The following APOBEC3G variants were observed in gnomAD, a reference collection of about 807,000 sequenced individuals.
APOBEC3G encodes DNA dC->dU-editing enzyme APOBEC-3G.
In APOBEC3G, 44 loss-of-function variants were observed where a neutral mutation model predicts 50.0. The observed-to-expected ratio is 0.88, with a 90% confidence interval of 0.69 to 1.13. APOBEC3G has a LOEUF of 1.13. Ranked by LOEUF, APOBEC3G falls within the 50% of genes most tolerant of loss-of-function variation. APOBEC3G has a pLI of 0.00. For synonymous variants in APOBEC3G, 156 were observed against 175.3 expected (o/e 0.89, Z 0.87); for missense variants, 469 against 492.0 (o/e 0.95, Z 0.44).
At position 39,077,315 on chromosome 22, in the gene APOBEC3G, C is replaced by G. The variant is rs1251049749; in HGVS notation, c.-47C>G. 6.4e-7 allele frequency: 1 copy of G among 1,559,758 alleles called. No homozygotes were observed. Among genetic ancestry groups the G allele is most frequent in the Non-Finnish European group, 8.7e-7 (1 of 1,151,080 alleles). ...CAGAAGCTTGGAGCAGAAAGTGAAA[C>G]CCTGGTGCTCCAGACAAAGATCTTA... On this transcript the variant is annotated 5_prime_UTR_variant, in exon 1 of 8. Coordinates refer to ENST00000407997, the MANE Select transcript of APOBEC3G (RefSeq NM_021822.4).
At chr22:39,077,980 C>T (rs1157425834) in intron 1 of APOBEC3G, among the ~76,000 whole-genome samples, 1 of 152,178 alleles carries the variant, frequency 6.6e-6, no homozygotes, top group African/African-American at 2.4e-5. Context: ...AATATAGTGG[C>T]CGGGTGCGGT....
At chr22:39,081,414 G>A (rs1206215979) in intron 3 of APOBEC3G, 57 bp from the exon 4 acceptor site, 21 of 1,572,232 alleles carry the variant, frequency 1.3e-5, no homozygotes, top group East Asian at 2.2e-5. Context: ...GGAGGGTCCC[G>A]AGGTCACAGA....
rs376831638 is a variant in APOBEC3G, at chr22:39,083,816, G to T, written c.667G>T (p.Glu223Ter). Residue 223 changes from glutamate to a stop codon, truncating the protein, a stop_gained, in exon 5 of 8, where the codon GAG becomes TAG. Coordinates refer to ENST00000407997, the MANE Select transcript of APOBEC3G (RefSeq NM_021822.4). LOFTEE classifies it high-confidence loss of function. The part of the protein sequence containing the change: ...RGRHETYLCY[E>*]VERMHNDTWV... ...ACGGCATGAGACTTACCTGTGTTAT[G>T]AGGTGGAGCGCATGCACAATGACAC... is the stretch of plus-strand genomic sequence containing the variant. 1.2e-6 allele frequency: 2 copies of T among 1,614,050 alleles called. No individual in the cohort carries two copies. The highest frequency in any genetic ancestry group is 1.7e-5 in the Admixed American group (1 of 60,022).
At chr22:39,083,979 A>C (rs1415185112) in intron 5 of APOBEC3G, 95 bp downstream of exon 5, 1 of 1,449,344 alleles carries the variant, frequency 6.9e-7, no homozygotes, top group Admixed American at 2.1e-5. Flanking sequence ...GGTGTCCTGC[A>C]GAGTGTCTGT....
intron 6 of APOBEC3G, 121 bp downstream of exon 6, chr22:39,086,688 G>A (rs1287305441): frequency 6.3e-5 from 87 of 1,383,920 alleles, no homozygotes; most frequent in Non-Finnish European, 8.1e-5. Flanking sequence ...TCTGCCTGCA[G>A]AGGCGATGGC....
chr22:39,081,434 A>T, intron 3 of APOBEC3G, 37 bp from the exon 4 acceptor site: 1 of 1,598,944 alleles, frequency 6.3e-7, no homozygotes, highest in East Asian at 2.2e-5. Context: ...AAGAGAGGCC[A>T]GCTGGGCTTG....
upstream of APOBEC3G, chr22:39,077,009 T>G: frequency 2.5e-6 from 1 of 392,398 alleles, no homozygotes. Flanking sequence ...GGGCTTGTGC[T>G]CTGCTGGCTC....
intron 2 of APOBEC3G, chr22:39,080,649 A>G (rs1928395327): frequency 4.7e-6 from 2 of 423,980 alleles, no homozygotes; most frequent in Admixed American, 4.0e-5. Context: ...GAGGGGCTGA[A>G]GTCGCCCTTG....
chr22:39,085,176 G>T (rs1027605523), intron 5 of APOBEC3G, among the ~76,000 whole-genome samples: 1 of 152,188 alleles, frequency 6.6e-6, no homozygotes, highest in Non-Finnish European at 1.5e-5. Context: ...CATTCCTTGG[G>T]CTCAACAAGG....
At chr22:39,083,216 A>G (rs1289952408) in intron 4 of APOBEC3G, 1 of 152,400 alleles carries the variant, frequency 6.6e-6, no homozygotes, top group Non-Finnish European at 1.5e-5. Context: ...TGGCAACAGA[A>G]GAAATCCTGT....
At chr22:39,080,535 A>G (rs1928389453) in intron 2 of APOBEC3G, 1 of 198,970 alleles carries the variant, frequency 5.0e-6, no homozygotes, top group Non-Finnish European at 1.0e-5. Flanking sequence ...CTCCAGACAG[A>G]GTGGCCTGGG....
chr22:39,079,774 C>G (rs1329745792), intron 2 of APOBEC3G: 1 of 151,928 alleles, frequency 6.6e-6, no homozygotes, highest in African/African-American at 2.4e-5. Context: ...GTGGCTCGCA[C>G]CTCTAATCCC....
At chr22:39,081,665 AC>A in intron 4 of APOBEC3G, 80 bp downstream of exon 4, 1 of 1,200,676 alleles carries the variant, frequency 8.3e-7, no homozygotes, top group Non-Finnish European at 1.2e-6. Flanking sequence ...TCTGTTCCAG[AC>A]CAGGTCCTCT....
At chr22:39,078,900 T>G (rs1436758251) in intron 1 of APOBEC3G, 32 bp from the exon 2 acceptor site, 1 of 1,612,592 alleles carries the variant, frequency 6.2e-7, no homozygotes, top group African/African-American at 1.3e-5. Context: ...GAGTGCTCTC[T>G]ACATTGGCTG....
chr22:39,080,044 CAAA>C (rs374258075), intron 2 of APOBEC3G: 8 of 148,500 alleles, frequency 5.4e-5, no homozygotes, highest in Non-Finnish European at 3.1e-5. Flanking sequence ...AACTCCATCT[CAAA>C]AAAAAAAAAA....
chr22:39,081,367 G>A (rs1341156479), intron 3 of APOBEC3G, 104 bp from the exon 4 acceptor site: 19 of 1,528,404 alleles, frequency 1.2e-5, no homozygotes, highest in East Asian at 2.2e-5. Flanking sequence ...TGGGTCTGGC[G>A]CTGACTGTAA....
chr22:39,087,362 C>A, intron 7 of APOBEC3G, 45 bp from the exon 8 acceptor site: 11 of 1,614,076 alleles, frequency 6.8e-6, no homozygotes, highest in Non-Finnish European at 8.5e-6. Context: ...TGCCTACTTT[C>A]CACTCGCTCA....
chr22:39,083,920 C>T (rs1336141507), intron 5 of APOBEC3G, 36 bp downstream of exon 5: 1 of 1,602,896 alleles, frequency 6.2e-7, no homozygotes, highest in Non-Finnish European at 8.5e-7. Context: ...AGGCAGGGCC[C>T]TCCCAACCCA....
At chr22:39,078,731 A>C (rs1354210154) in intron 1 of APOBEC3G, 7 of 604,658 alleles carry the variant, frequency 1.2e-5, no homozygotes, top group African/African-American at 9.5e-5. Flanking sequence ...TTTTTTTTTG[A>C]GACGGAATTT....
Sources: allele counts gnomAD v4.1 joint callset (sites outside exome capture counted in the v4.1 genomes callset), GRCh38; gene constraint gnomAD v4.1.1; transcripts MANE v1.5; gene names NCBI Gene and HGNC (gene_info 2026-07-23, HGNC 2026-07-21).